Variants in MOV10L1 observed in about 807,000 individuals in gnomAD.
The protein encoded by MOV10L1 is Mov10 like RNA helicase 1, also known as RNA helicase Mov10l1.
A neutral mutation model predicts 143.8 loss-of-function variants in MOV10L1; 110 were observed. That is an observed-to-expected ratio of 0.76 (90% CI 0.66 to 0.90). The LOEUF (loss-of-function observed/expected upper bound fraction) is 0.90, where lower values mean the gene tolerates loss of function less well. MOV10L1 is among the 40% of genes least tolerant of loss of function. The pLI is 0.00. For synonymous variants in MOV10L1, 593 were observed against 581.1 expected, an observed-to-expected ratio of 1.02 and a Z score of -0.29; for missense variants, 1,406 against 1,526.8, an observed-to-expected ratio of 0.92 and a Z score of 1.32.
chr22:50,110,285 T>C (rs1485578776), intron 5 of MOV10L1, among the ~76,000 whole-genome samples: 2 of 150,878 alleles, frequency 1.3e-5, no homozygotes, highest in Non-Finnish European at 3.0e-5. Context: ...CCATCTCTAC[T>C]AAAAACACAA....
chr22:50,140,665 G>A (rs887928780), intron 15 of MOV10L1, among the ~76,000 whole-genome samples: 4 of 152,182 alleles, frequency 2.6e-5, no homozygotes, highest in African/African-American at 9.7e-5. Context: ...TCCATGGGCC[G>A]CTGGTTGGAC....
chr22:50,107,386 T>G (rs1400655756), intron 3 of MOV10L1, among the ~76,000 whole-genome samples: 1 of 152,246 alleles, frequency 6.6e-6, no homozygotes, highest in Non-Finnish European at 1.5e-5. Flanking sequence ...GACAGTGATT[T>G]CACCATGGCT....
At chr22:50,092,422 G>C (rs1240482772) in intron 2 of MOV10L1, among the ~76,000 whole-genome samples, 1 of 152,120 alleles carries the variant, frequency 6.6e-6, no homozygotes, top group Non-Finnish European at 1.5e-5. Context: ...CTTGAGCTCA[G>C]GTGTTAAGAG....
chr22:50,103,153 G>A (rs1018351091), intron 3 of MOV10L1, among the ~76,000 whole-genome samples: 2 of 152,216 alleles, frequency 1.3e-5, no homozygotes, highest in Non-Finnish European at 2.9e-5. Flanking sequence ...CAGCAGAGGG[G>A]AACACGTGGT....
At chr22:50,128,536 ATGTC>A in intron 13 of MOV10L1, 29 bp downstream of exon 13, 3 of 964,852 alleles carry the variant, frequency 3.1e-6, no homozygotes, top group Non-Finnish European at 4.7e-6. Context: ...CTTCTTTCAA[ATGTC>A]TTTTTTTTTT....
rs148480858 is a variant in MOV10L1, at chr22:50,121,671, G to A, written c.1569+1055G>A. Among the ~76,000 whole-genome samples, 209 of 152,326 alleles carry A rather than the reference G, an allele frequency of 1.4e-3. 1 individual carries two copies. Among genetic ancestry groups the A allele is most frequent in the African/African-American group, 4.8e-3 (199 of 41,578 alleles). ...GAGTTTGTAGGCAAATGCCTGAATGGTTCATCGAGGTGGCAGAAAAAGCTG... is the reference window on the plus strand; with the variant it reads ...GAGTTTGTAGGCAAATGCCTGAATGATTCATCGAGGTGGCAGAAAAAGCTG... On this transcript the variant is annotated intron_variant, in intron 10 of 26. Transcript: ENST00000262794.
rs200440613 is a variant in MOV10L1, at chr22:50,125,477, A to G, written c.1655A>G (p.Tyr552Cys). The G allele has an allele frequency of 6.2e-6, 10 of 1,614,224 alleles. No homozygotes were observed. Among genetic ancestry groups the G allele is most frequent in the East Asian group, 2.2e-5 (1 of 44,888 alleles). ...EIYAEMELKE[Y>C]NMSGIILRRN... Reference sequence around the variant, plus strand: ...TATGCAGAAATGGAACTGAAAGAGTATAACATGAGCGGGATCATCTTAAGA... The same window carrying G: ...TATGCAGAAATGGAACTGAAAGAGTGTAACATGAGCGGGATCATCTTAAGA... The change falls in exon 11 of 27, where the codon TAT becomes TGT. Residue 552 changes from tyrosine to cysteine, a missense_variant. Physicochemically the swap from Tyr to Cys is radical, Grantham distance 194. This residue lies in a region of MOV10L1 where 1,233 missense variants were observed against 1,351.4 expected (regional missense o/e 0.91). Transcript: ENST00000262794.
In MOV10L1 at chr22:50,152,932, C is replaced by G; in HGVS notation, c.2893-113C>G. 1 of 1,102,578 alleles carries G rather than the reference C, an allele frequency of 9.1e-7. No individual in the cohort carries two copies. The highest frequency in any genetic ancestry group is 1.3e-6 in the Non-Finnish European group (1 of 765,452). The allele number at this position is 1,102,578 out of a possible 1,614,324, so 68.3% of individuals were successfully genotyped here. On this transcript the variant is annotated intron_variant, in intron 21 of 26. Transcript: ENST00000262794. The surrounding 1 kb of genome is among the most constrained non-coding windows in gnomAD (Gnocchi z 4.4). ...ACACACAGGGGCGCAGGAGCAGAGT[C>G]AGGCTTGGAAGTCAGGCAGGCCTCA...
rs1183372155 is a variant in MOV10L1, at chr22:50,158,454, C to T, written c.3216+248C>T. 8 of 509,922 alleles carry T rather than the reference C, an allele frequency of 1.6e-5. No homozygotes were observed. Among genetic ancestry groups the T allele is most frequent in the Non-Finnish European group, 2.8e-5 (8 of 289,190 alleles). The allele number at this position is 509,922 out of a possible 1,614,324, so 31.6% of individuals were successfully genotyped here. A position where few individuals can be genotyped will look rare whatever the true frequency, so the allele number is the denominator to read the frequency against. Reference sequence around the variant, plus strand: ...CAGTTTTTACATTTCTAAATGGTTACATTTATATGTCCCTTGATATTTGGC... The same window carrying T: ...CAGTTTTTACATTTCTAAATGGTTATATTTATATGTCCCTTGATATTTGGC... On this transcript the variant is annotated intron_variant, in intron 23 of 26. Transcript: ENST00000262794. The surrounding 1 kb of genome is among the most constrained non-coding windows in gnomAD (Gnocchi z 5.0).
chr22:50,136,184 A>T lies in MOV10L1; in HGVS notation c.2070+1554A>T, dbSNP rs112870861. 4.9e-3 allele frequency among the ~76,000 whole-genome samples: 752 copies of T among 152,218 alleles called. 7 individuals carry two copies. The highest frequency in any genetic ancestry group is 0.024 in the Middle Eastern group (7 of 294). On this transcript the variant is annotated intron_variant, in intron 15 of 26. Coordinates refer to ENST00000262794, the MANE Select transcript of MOV10L1 (RefSeq NM_018995.3). ...CTTTTTTGTTCTGCAAATAGAAAAG[A>T]GTCTTCCTTGGACAGTGCTTTTCTT...
At position 50,160,705 on chromosome 22, in the gene MOV10L1, T is replaced by C. The variant is rs1469136108; in HGVS notation, c.3342T>C (p.Asp1114=). ...IIISTVRSNE[D]RFEDDRYFLG... is the part of the protein sequence containing the mutation. Reference sequence around the variant, plus strand: ...GCTTTTAGGTACGGTCAAATGAAGATAGATTTGAAGATGATCGATATTTTT... The same window carrying C: ...GCTTTTAGGTACGGTCAAATGAAGACAGATTTGAAGATGATCGATATTTTT... The change falls in exon 25 of 27, where the codon GAT becomes GAC. Residue 1114 remains aspartate, a synonymous_variant. Transcript: ENST00000262794. The C allele has an allele frequency of 1.2e-6, 2 of 1,613,990 alleles. No homozygotes were observed. The highest frequency in any genetic ancestry group is 2.2e-5 in the East Asian group (1 of 44,898).
chr22:50,136,585 G>A (rs974617172), intron 15 of MOV10L1, among the ~76,000 whole-genome samples: 2 of 152,200 alleles, frequency 1.3e-5, no homozygotes, highest in South Asian at 2.1e-4. Context: ...ACAGCCTTCC[G>A]AGAGTGTCTA....
At position 50,113,672 on chromosome 22, in the gene MOV10L1, C is replaced by T; in HGVS notation, c.768C>T (p.Ala256=). Residue 256 remains alanine, a synonymous_variant, in exon 6 of 27, where the codon GCC becomes GCT. Transcript: ENST00000262794. ...GAGACGCCGCCCCTGTTCATGAGGC[C>T]ACTCATTTCTATGGAACGATTTTGC... is the stretch of plus-strand genomic sequence containing the variant. The part of the protein sequence containing the change: ...KRRDAAPVHE[A]THFYGTILLK... 1 of 1,613,862 alleles carries T rather than the reference C, an allele frequency of 6.2e-7. No homozygotes were observed. The highest frequency in any genetic ancestry group is 8.5e-7 in the Non-Finnish European group (1 of 1,179,950).
intron 2 of MOV10L1, among the ~76,000 whole-genome samples, chr22:50,096,672 G>C (rs902615118): frequency 2.6e-5 from 4 of 152,006 alleles, no homozygotes; most frequent in Non-Finnish European, 4.4e-5. Context: ...TTTGACAGTA[G>C]CTATTCCTCG....
At chr22:50,099,369 A>G (rs1440231469) in intron 2 of MOV10L1, 74 bp from the exon 3 acceptor site, 4 of 1,534,074 alleles carry the variant, frequency 2.6e-6, no homozygotes, top group African/African-American at 1.4e-5. Flanking sequence ...GGTCTCAGAC[A>G]GGCATGCCAG....
intron 10 of MOV10L1, among the ~76,000 whole-genome samples, chr22:50,123,886 T>C (rs1249902034): frequency 6.6e-6 from 1 of 152,212 alleles, no homozygotes; most frequent in Non-Finnish European, 1.5e-5. Flanking sequence ...TGGTAGGTTT[T>C]GTGTTTCTAG....
At chr22:50,153,961 C>T (rs1282544466) in intron 22 of MOV10L1, among the ~76,000 whole-genome samples, 1 of 152,160 alleles carries the variant, frequency 6.6e-6, no homozygotes, top group Admixed American at 6.5e-5. Context: ...CCAGGTTACA[C>T]CATTTGGCTG....
In MOV10L1 at chr22:50,145,694, T is replaced by C. The variant is rs149915803; in HGVS notation, c.2511T>C (p.Val837=). The part of the protein sequence containing the change: ...VNATCRFEEI[V]IDAVKPYCRD... The stretch of plus-strand genomic sequence containing the variant: ...CTACGCCTCCTTGCCCCCAGATAGT[T>C]ATTGACGCCGTCAAACCGTATTGCA... The change falls in exon 19 of 27, where the codon GTT becomes GTC. Residue 837 remains valine (V), a synonymous_variant. Transcript: ENST00000262794. 1.0e-3 allele frequency: 1,648 copies of C among 1,614,038 alleles called. 2 individuals are homozygous for C. The highest frequency in any genetic ancestry group is 3.0e-3 in the Middle Eastern group (18 of 6,054).
rs549215222 is a variant in MOV10L1 at position 50,144,833 on chromosome 22, G to A, written c.2505+590G>A. Among the ~76,000 whole-genome samples the A allele has an allele frequency of 3.1e-4, 47 of 152,034 alleles. No homozygotes were observed. In the South Asian group the frequency reaches 7.9e-3, roughly 26 times the overall value. On this transcript the variant is annotated intron_variant, in intron 18 of 26. Coordinates refer to ENST00000262794, the MANE Select transcript of MOV10L1 (RefSeq NM_018995.3). ...CCTGACCTCATGATCTGCCCGCCTC[G>A]GCCTCCCAAAGTGCTGGGATTACAG... is the stretch of plus-strand genomic sequence containing the variant.
Sources: allele counts gnomAD v4.1 joint callset (sites outside exome capture counted in the v4.1 genomes callset), GRCh38; gene constraint gnomAD v4.1.1; regional missense constraint gnomAD v4.1.1; non-coding constraint Gnocchi (gnomAD v3.1); transcripts MANE v1.5; gene names NCBI Gene and HGNC (gene_info 2026-07-23, HGNC 2026-07-21).